Variants in CIT observed in about 807,000 individuals in gnomAD.
The protein encoded by CIT is citron rho-interacting serine/threonine kinase, also known as citron Rho-interacting kinase.
CIT carries 79 observed loss-of-function variants against 272.7 expected under a neutral mutation model. That is an observed-to-expected ratio of 0.29 (90% CI 0.24 to 0.35). The LOEUF (loss-of-function observed/expected upper bound fraction) is 0.35. Among genes scored for constraint, CIT ranks in the 10% least tolerant of loss-of-function variants. The probability of loss-of-function intolerance (pLI) is 1.00; values close to 1 mark genes in which losing one functional copy is unlikely to be tolerated. For missense variants in CIT, 1,909 were observed against 2,618.3 expected (o/e 0.73, Z 5.91); for synonymous variants, 948 against 995.6 (o/e 0.95, Z 0.90).
chr12:119,837,741 C>T (rs1174781692), intron 5 of CIT, among the ~76,000 whole-genome samples: 1 of 152,180 alleles, frequency 6.6e-6, no homozygotes, highest in African/African-American at 2.4e-5. Flanking sequence ...CTTCCCAAGC[C>T]TGATTGTCCA....
intron 40 of CIT, among the ~76,000 whole-genome samples, chr12:119,705,771 C>CAAAA (rs148188101): frequency 1.9e-4 from 9 of 46,618 alleles, no homozygotes; most frequent in Non-Finnish European, 2.7e-4. Context: ...GACTCTGTCT[C>CAAAA]AAAAAAAAAA....
intron 28 of CIT, among the ~76,000 whole-genome samples, chr12:119,726,622 G>A (rs1958127537): frequency 6.6e-6 from 1 of 152,064 alleles, no homozygotes; most frequent in African/African-American, 2.4e-5. Flanking sequence ...TGGGTATCAC[G>A]TGACAAAACC....
At chr12:119,726,011 C>CGTGTGTGTGTGTGTGTGTGTGTGT (rs3999591) in intron 28 of CIT, among the ~76,000 whole-genome samples, 9 of 149,904 alleles carry the variant, frequency 6.0e-5, no homozygotes, top group African/African-American at 2.2e-4. Flanking sequence ...ACCAAATATA[C>CGTGTGTGTGTGTGTGTGTGTGTGT]GTGTGTGTGT....
chr12:119,715,094 T>C (rs1276476259), intron 32 of CIT, among the ~76,000 whole-genome samples: 2 of 152,162 alleles, frequency 1.3e-5, no homozygotes, highest in African/African-American at 2.4e-5. Context: ...TAAGATCTGA[T>C]AGTTTTATAA....
chr12:119,749,017 G>T (rs1052989651), intron 23 of CIT, among the ~76,000 whole-genome samples: 9 of 152,320 alleles, frequency 5.9e-5, no homozygotes, highest in Admixed American at 2.6e-4. Context: ...TATCTTAAAA[G>T]CATGTTTCTG....
Position 119,714,282 on chromosome 12 carries a change from G to C in CIT, c.4221C>G (p.Phe1407Leu). ...ERMHHNIPHR[F>L]NVGLNMRATK... ...TGGCTCGCATGTTCAGTCCTACGTT[G>C]AATCGGTGAGGAATATTGTGGTGCA... The change falls in exon 33 of 48, where the codon TTC becomes TTG. Residue 1407 changes from phenylalanine to leucine, a missense_variant. Physicochemically the swap from Phe to Leu is conservative, Grantham distance 22 (BLOSUM62 0). This residue lies in a region of CIT where 780 missense variants were observed against 1,067.2 expected (regional missense o/e 0.73). Transcript: ENST00000392521. 1 of 1,614,122 alleles carries C rather than the reference G, an allele frequency of 6.2e-7. No individual in the cohort carries two copies. The highest frequency in any genetic ancestry group is 8.5e-7 in the Non-Finnish European group (1 of 1,180,004).
Position 119,734,219 on chromosome 12 carries a change from A to G in CIT, c.3295T>C (p.Phe1099Leu). Residue 1099 changes from phenylalanine (F) to leucine (L), a missense_variant, in exon 26 of 48, where the codon TTT (phenylalanine) becomes CTT (leucine). By Grantham distance (22) the Phe-to-Leu change is conservative. Coordinates refer to ENST00000392521, the MANE Select transcript of CIT (RefSeq NM_001206999.2). ...RSVLGDEKSQ[F>L]ECRVRELQRM... ...TGCAGCTCTCGAACCCGACACTCAA[A>G]CTGGGATTTCTCATCACCCAGGACG... The G allele has an allele frequency of 6.2e-7, 1 of 1,612,454 alleles. No individual in the cohort carries two copies. The highest frequency in any genetic ancestry group is 8.5e-7 in the Non-Finnish European group (1 of 1,179,602).
chr12:119,838,446 G>C (rs1428684241), intron 5 of CIT, among the ~76,000 whole-genome samples: 3 of 152,100 alleles, frequency 2.0e-5, no homozygotes, highest in Non-Finnish European at 4.4e-5. Context: ...ACCACTTAGG[G>C]AGCTTAAAGG....
rs77298113 is a variant in CIT at position 119,757,818 on chromosome 12, C to T, written c.2532-273G>A. ...GGATGCAAGAGATACTAACATTTCA[C>T]TCCTTTGACAGGCCTGTTTATTTCT... On this transcript the variant is annotated intron_variant, in intron 21 of 47. Transcript: ENST00000392521. 0.016 allele frequency among the ~76,000 whole-genome samples: 2,406 copies of T among 152,290 alleles called. 74 individuals carry two copies. The highest frequency in any genetic ancestry group is 0.056 in the African/African-American group (2,313 of 41,550).
intron 7 of CIT, among the ~76,000 whole-genome samples, chr12:119,831,881 A>G (rs1170607890): frequency 1.3e-5 from 2 of 152,238 alleles, no homozygotes; most frequent in Non-Finnish European, 2.9e-5. Flanking sequence ...AAAAAAAAGA[A>G]AAAAGAAAAA....
chr12:119,715,733 G>C (rs1957428459), intron 32 of CIT, among the ~76,000 whole-genome samples: 1 of 152,124 alleles, frequency 6.6e-6, no homozygotes, highest in East Asian at 1.9e-4. Flanking sequence ...CATTAGAACA[G>C]GTTAGTTACA....
At chr12:119,760,882 T>A in intron 20 of CIT, 57 bp downstream of exon 20, 1 of 1,086,720 alleles carries the variant, frequency 9.2e-7, no homozygotes, top group Non-Finnish European at 1.4e-6. Context: ...GGGGTGATTC[T>A]TGGCATATTT....
At chr12:119,811,436 T>A (rs1966846933) in intron 9 of CIT, among the ~76,000 whole-genome samples, 1 of 152,238 alleles carries the variant, frequency 6.6e-6, no homozygotes, top group African/African-American at 2.4e-5. Flanking sequence ...TAACATTGAT[T>A]TGGGCTGGTG....
chr12:119,790,676 CA>C (rs1346110216), intron 10 of CIT, among the ~76,000 whole-genome samples: 2 of 152,224 alleles, frequency 1.3e-5, no homozygotes, highest in Admixed American at 1.3e-4. Context: ...TGGTTCTCAA[CA>C]GGGGCAGTTT....
At chr12:119,776,434 T>C in intron 14 of CIT, 26 bp from the exon 15 acceptor site, 1 of 1,605,536 alleles carries the variant, frequency 6.2e-7, no homozygotes, top group Non-Finnish European at 8.5e-7. Flanking sequence ...CACAACATAT[T>C]GGGAAATCTC....
chr12:119,793,886 GC>G (rs1488339224), intron 10 of CIT, among the ~76,000 whole-genome samples: 1 of 152,182 alleles, frequency 6.6e-6, no homozygotes, highest in African/African-American at 2.4e-5. Flanking sequence ...ATGTGAATCT[GC>G]CCCCATCATG....
chr12:119,744,874 T>C (rs1406646581), intron 23 of CIT, among the ~76,000 whole-genome samples: 2 of 151,546 alleles, frequency 1.3e-5, no homozygotes, highest in East Asian at 1.9e-4. Context: ...TGAAGACAAG[T>C]AGAAACAAAG....
intron 46 of CIT, among the ~76,000 whole-genome samples, chr12:119,693,891 C>CA (rs1237503344): frequency 6.6e-6 from 1 of 152,200 alleles, no homozygotes; most frequent in Non-Finnish European, 1.5e-5. Context: ...AATATAAGAA[C>CA]ATGCTTTCTA....
chr12:119,822,002 C>A (rs1205687534), intron 9 of CIT, among the ~76,000 whole-genome samples: 1 of 152,204 alleles, frequency 6.6e-6, no homozygotes, highest in African/African-American at 2.4e-5. Flanking sequence ...TAACACATCT[C>A]CAATCAGAAG....
Sources: allele counts gnomAD v4.1 joint callset (sites outside exome capture counted in the v4.1 genomes callset), GRCh38; gene constraint gnomAD v4.1.1; regional missense constraint gnomAD v4.1.1; transcripts MANE v1.5; gene names NCBI Gene and HGNC (gene_info 2026-07-23, HGNC 2026-07-21).